TXK: variants seen among roughly 807,000 people sequenced by gnomAD.
TXK encodes tyrosine-protein kinase TXK.
Under a neutral mutation model 81.0 loss-of-function variants are expected in TXK, and 60 were observed. The observed-to-expected ratio is 0.74, with a 90% CI of 0.60 to 0.92. The LOEUF (loss-of-function observed/expected upper bound fraction) is 0.92, where lower values mean the gene tolerates loss of function less well. TXK is among the 40% of genes least tolerant of loss of function. The pLI is 0.00. For synonymous variants in TXK, 203 were observed against 210.7 expected (o/e 0.96, Z 0.32); for missense variants, 581 against 638.3 (o/e 0.91, Z 0.97).
chr4:48,130,349 A>G (rs1719219482), intron 1 of TXK, among the ~76,000 whole-genome samples: 1 of 152,128 alleles, frequency 6.6e-6, no homozygotes, highest in African/African-American at 2.4e-5. Flanking sequence ...CAGATCTTTC[A>G]TGGAGTTGCA....
intron 1 of TXK, 128 bp downstream of exon 1, chr4:48,134,027 T>A: frequency 1.0e-6 from 1 of 976,242 alleles, no homozygotes. Flanking sequence ...TGTCACAACA[T>A]CTGAGGAAAT....
At chr4:48,120,227 G>A (rs1030528829) in intron 1 of TXK, among the ~76,000 whole-genome samples, 11 of 104,594 alleles carry the variant, frequency 1.1e-4, no homozygotes, top group Non-Finnish European at 1.7e-4. Context: ...ACATATATAC[G>A]TATATATGTA....
At chr4:48,100,915 T>C (rs1341932728) in intron 6 of TXK, among the ~76,000 whole-genome samples, 1 of 151,812 alleles carries the variant, frequency 6.6e-6, no homozygotes, top group Non-Finnish European at 1.5e-5. Context: ...TATCCTTATG[T>C]AAAAAAATAT....
At chr4:48,107,136 T>C (rs1157392991) in intron 5 of TXK, among the ~76,000 whole-genome samples, 7 of 151,578 alleles carry the variant, frequency 4.6e-5, no homozygotes. Flanking sequence ...TAAATAGGAC[T>C]GATTGTTTAA....
At chr4:48,082,709 G>GC (rs981002974) in intron 10 of TXK, among the ~76,000 whole-genome samples, 3 of 152,070 alleles carry the variant, frequency 2.0e-5, no homozygotes, top group African/African-American at 7.2e-5. Flanking sequence ...GGCCCACCAC[G>GC]CCCCCTATCC....
chr4:48,096,642 C>T (rs1310304109), intron 6 of TXK, among the ~76,000 whole-genome samples: 1 of 152,144 alleles, frequency 6.6e-6, no homozygotes, highest in Non-Finnish European at 1.5e-5. Context: ...TTTTCTCCTG[C>T]CTCAGCCTCC....
chr4:48,134,018 G>A, intron 1 of TXK, 137 bp downstream of exon 1: 1 of 887,108 alleles, frequency 1.1e-6, no homozygotes, highest in Non-Finnish European at 1.7e-6. Context: ...ACAAAACTCT[G>A]TCACAACATC....
At chr4:48,121,784 C>T (rs1406529805) in intron 1 of TXK, among the ~76,000 whole-genome samples, 1 of 151,902 alleles carries the variant, frequency 6.6e-6, no homozygotes, top group Non-Finnish European at 1.5e-5. Flanking sequence ...AATGTGGAAC[C>T]TGTGGATACA....
intron 14 of TXK, among the ~76,000 whole-genome samples, chr4:48,070,444 G>A (rs186979240): frequency 2.0e-5 from 3 of 152,254 alleles, no homozygotes; most frequent in South Asian, 2.1e-4. Flanking sequence ...TACTATTAGC[G>A]TTGGAAAAGC....
chr4:48,125,275 A>C (rs1188503686), intron 1 of TXK, among the ~76,000 whole-genome samples: 1 of 152,236 alleles, frequency 6.6e-6, no homozygotes, highest in Non-Finnish European at 1.5e-5. Flanking sequence ...CATGGCTAGA[A>C]CATACCAGCT....
chr4:48,107,445 G>T (rs1191384557), intron 5 of TXK, among the ~76,000 whole-genome samples: 1 of 150,720 alleles, frequency 6.6e-6, no homozygotes, highest in Non-Finnish European at 1.5e-5. Flanking sequence ...CTTCCTCAGA[G>T]CCAACCCAAC....
In TXK at chr4:48,089,806, C is replaced by T. The variant is rs756580244; in HGVS notation, c.728G>A (p.Arg243Gln). 8 of 1,613,258 alleles carry T rather than the reference C, an allele frequency of 5.0e-6. No homozygotes were observed. Among genetic ancestry groups the T allele is most frequent in the Middle Eastern group, 1.7e-4 (1 of 6,058 alleles). The change falls in exon 9 of 15, where the codon CGA becomes CAA. Residue 243 changes from arginine to glutamine, a missense_variant. Physicochemically the swap from Arg to Gln is conservative, Grantham distance 43. Transcript: ENST00000264316. ...HNAAGLMTRLRYPVGLMGSCL... is the reference protein window; with the variant it reads ...HNAAGLMTRLQYPVGLMGSCL... ...ACTGCCCATCAGCCCAACTGGATAT[C>T]GGAGACGAGTCATGAGACCTAAGGA...
chr4:48,080,367 CTACGCG>C (rs1219965295), intron 10 of TXK, among the ~76,000 whole-genome samples: 3 of 152,256 alleles, frequency 2.0e-5, no homozygotes, highest in South Asian at 4.1e-4. Context: ...ACACTATATT[CTACGCG>C]TAAGCATTTT....
intron 1 of TXK, among the ~76,000 whole-genome samples, chr4:48,119,216 G>A (rs549154965): frequency 3.9e-5 from 6 of 152,178 alleles, no homozygotes; most frequent in Non-Finnish European, 8.8e-5. Context: ...GGATGGAGAG[G>A]AATGAATACT....
At chr4:48,078,970 G>T (rs570403109) in intron 11 of TXK, among the ~76,000 whole-genome samples, 49 of 152,352 alleles carry the variant, frequency 3.2e-4, no homozygotes, top group Non-Finnish European at 4.3e-4. Context: ...AGGGAGAATG[G>T]AAAGGAAAGG....
intron 12 of TXK, among the ~76,000 whole-genome samples, chr4:48,075,546 G>A (rs1717033236): frequency 6.6e-6 from 1 of 152,036 alleles, no homozygotes; most frequent in Non-Finnish European, 1.5e-5. Context: ...GCTACTCGGG[G>A]GGCTGAGGCA....
At chr4:48,117,790 T>G (rs2109478508) in intron 1 of TXK, among the ~76,000 whole-genome samples, 1 of 152,346 alleles carries the variant, frequency 6.6e-6, no homozygotes, top group South Asian at 2.1e-4. Flanking sequence ...GGACCCTACC[T>G]GAACTTTGCA....
chr4:48,091,661 A>C (rs1391837888), intron 8 of TXK, among the ~76,000 whole-genome samples: 2 of 152,084 alleles, frequency 1.3e-5, no homozygotes, highest in East Asian at 3.9e-4. Context: ...ATGCGCCACC[A>C]TGACTGGATA....
chr4:48,073,842 A>G, intron 13 of TXK, 93 bp downstream of exon 13: 1 of 852,406 alleles, frequency 1.2e-6, no homozygotes, highest in South Asian at 1.8e-5. Context: ...CTTTTTAAAA[A>G]ATGCTATATC....
Sources: gnomAD v4.1 joint callset for allele counts (sites outside exome capture counted in the v4.1 genomes callset) on GRCh38, gnomAD v4.1.1 for gene constraint, MANE v1.5 for transcripts, NCBI Gene and HGNC (gene_info 2026-07-23, HGNC 2026-07-21) for gene names.